Variants in LRRC40 observed in about 807,000 individuals in gnomAD.
LRRC40 encodes the protein leucine-rich repeat-containing protein 40.
In LRRC40, 76 loss-of-function variants were observed where a neutral mutation model predicts 72.8. The observed-to-expected ratio is 1.04, with a 90% CI of 0.87 to 1.26. The LOEUF is 1.26. LRRC40 is among the 50% of genes most tolerant of loss of function. The probability of loss-of-function intolerance (pLI) is 0.00; values close to 1 mark genes in which losing one functional copy is unlikely to be tolerated. For missense variants in LRRC40, 684 were observed against 698.9 expected (o/e 0.98, Z 0.24); for synonymous variants, 243 against 254.2 (o/e 0.96, Z 0.42).
At chr1:70,204,980 G>A (rs1668888198) in intron 1 of LRRC40, among the ~76,000 whole-genome samples, 1 of 151,742 alleles carries the variant, frequency 6.6e-6, no homozygotes. Flanking sequence ...GTTCACAAAG[G>A]GGCCGATAAA....
chr1:70,169,945 C>CA (rs1319127812), intron 9 of LRRC40, among the ~76,000 whole-genome samples: 1 of 152,010 alleles, frequency 6.6e-6, no homozygotes, highest in Non-Finnish European at 1.5e-5. Flanking sequence ...ATTAGGCTAT[C>CA]ACCCAAACCA....
rs1668045265 is a variant in LRRC40 at position 70,173,663 on chromosome 1, C to G, written c.1024G>C (p.Glu342Gln). The G allele has an allele frequency of 6.4e-7, 1 of 1,573,172 alleles. No homozygotes were observed. Among genetic ancestry groups the G allele is most frequent in the Non-Finnish European group, 8.7e-7 (1 of 1,153,200 alleles). The change falls in exon 8 of 15, where the codon GAA becomes CAA. Residue 342 changes from glutamate (E) to glutamine (Q), a missense_variant. By Grantham distance (29) the Glu-to-Gln change is conservative (BLOSUM62 2). Transcript: ENST00000370952. ...CGAATTGTTCTCAAAGGATTTCCTT[C>G]TAATGCCAAAAATTTCAAATGAAGG... ...GNLHLKFLAL[E>Q]GNPLRTIRRE... is the part of the protein sequence containing the mutation.
intron 9 of LRRC40, among the ~76,000 whole-genome samples, chr1:70,168,611 G>A (rs191196694): frequency 6.8e-4 from 103 of 152,306 alleles, no homozygotes; most frequent in Middle Eastern, 3.4e-3. Flanking sequence ...AGGCAGTTGG[G>A]ATGAAATTCC....
chr1:70,164,421 C>A (rs915068075), intron 9 of LRRC40, among the ~76,000 whole-genome samples: 3 of 151,988 alleles, frequency 2.0e-5, no homozygotes, highest in African/African-American at 7.3e-5. Context: ...AGTGCCAATC[C>A]TATTCATGAG....
At chr1:70,150,206 A>T (rs971342165) in intron 13 of LRRC40, among the ~76,000 whole-genome samples, 3 of 152,166 alleles carry the variant, frequency 2.0e-5, no homozygotes, top group Non-Finnish European at 4.4e-5. Context: ...GGTGTCAGTC[A>T]CTGCACCTGG....
At chr1:70,156,014 A>G (rs1262022809) in intron 10 of LRRC40, among the ~76,000 whole-genome samples, 1 of 152,018 alleles carries the variant, frequency 6.6e-6, no homozygotes, top group African/African-American at 2.4e-5. Context: ...ATTGTGCTAC[A>G]TTTTCTGGGC....
chr1:70,192,059 G>A (rs1668512718), intron 1 of LRRC40, among the ~76,000 whole-genome samples: 1 of 152,024 alleles, frequency 6.6e-6, no homozygotes, highest in Admixed American at 6.6e-5. Context: ...TTGCTTTGGG[G>A]AGTATGACCA....
Position 70,148,660 on chromosome 1 carries a change from T to C in LRRC40, c.1530A>G (p.Leu510=). 3.1e-6 allele frequency: 5 copies of C among 1,606,548 alleles called. No individual in the cohort carries two copies. Among genetic ancestry groups the C allele is most frequent in the Non-Finnish European group, 4.3e-6 (5 of 1,174,408 alleles). The change falls in exon 14 of 15, where the codon CTA becomes CTG. Residue 510 remains leucine, a synonymous_variant. Coordinates refer to ENST00000370952, the MANE Select transcript of LRRC40 (RefSeq NM_017768.5). The part of the protein sequence containing the change: ...INLSFNRFKM[L]PEVLYRIFTL... ...TGAAGATACGATATAGAACTTCAGG[T>C]AGCATTTTAAACCTATTAATACATG... is the stretch of plus-strand genomic sequence containing the variant.
At chr1:70,156,483 CAT>C (rs148547686) in intron 10 of LRRC40, among the ~76,000 whole-genome samples, 127 of 152,158 alleles carry the variant, frequency 8.3e-4, no homozygotes, top group African/African-American at 2.6e-3. Context: ...ATTTATGCCA[CAT>C]GTTTTCAAAT....
chr1:70,167,230 T>TAAAAAAAAAAAAA, intron 9 of LRRC40, among the ~76,000 whole-genome samples: 1 of 126,938 alleles, frequency 7.9e-6, no homozygotes, highest in Non-Finnish European at 1.7e-5. Context: ...TAAAAAGTGT[T>TAAAAAAAAAAAAA]AAAAAAAAAA....
chr1:70,193,183 CA>C (rs1227305363), intron 1 of LRRC40, among the ~76,000 whole-genome samples: 1 of 151,168 alleles, frequency 6.6e-6, no homozygotes, highest in East Asian at 1.9e-4. Context: ...GAGAAACAAA[CA>C]GAGAAAAAGC....
intron 9 of LRRC40, among the ~76,000 whole-genome samples, chr1:70,162,540 C>T (rs1421600842): frequency 2.6e-5 from 4 of 152,170 alleles, no homozygotes; most frequent in Non-Finnish European, 5.9e-5. Context: ...AATATCCAAA[C>T]CTATTTCTTT....
chr1:70,161,540 C>A (rs1312348788), intron 9 of LRRC40, among the ~76,000 whole-genome samples: 1 of 143,876 alleles, frequency 7.0e-6, no homozygotes, highest in African/African-American at 2.6e-5. Flanking sequence ...CAGAGCAAGG[C>A]TCCCTCTCAA....
At chr1:70,190,908 T>C (rs985812554) in intron 1 of LRRC40, among the ~76,000 whole-genome samples, 1 of 151,876 alleles carries the variant, frequency 6.6e-6, no homozygotes, top group Non-Finnish European at 1.5e-5. Flanking sequence ...TGAAGCAAAA[T>C]AAAATAATTT....
At chr1:70,179,510 A>G (rs1440337924) in intron 5 of LRRC40, among the ~76,000 whole-genome samples, 2 of 152,198 alleles carry the variant, frequency 1.3e-5, no homozygotes, top group Non-Finnish European at 2.9e-5. Flanking sequence ...ATTTAAAAAT[A>G]AAGTTCTGGT....
At chr1:70,172,929 T>C (rs561183788) in intron 9 of LRRC40, among the ~76,000 whole-genome samples, 1 of 152,162 alleles carries the variant, frequency 6.6e-6, no homozygotes, top group East Asian at 1.9e-4. Flanking sequence ...TCTATAATGA[T>C]AGACATGAAA....
At chr1:70,173,999 T>C (rs1199194997) in intron 7 of LRRC40, among the ~76,000 whole-genome samples, 1 of 152,028 alleles carries the variant, frequency 6.6e-6, no homozygotes, top group Non-Finnish European at 1.5e-5. Flanking sequence ...AACATAAATT[T>C]GAATGAATCA....
intron 2 of LRRC40, among the ~76,000 whole-genome samples, chr1:70,187,750 G>A (rs1156333809): frequency 1.3e-5 from 2 of 151,984 alleles, no homozygotes; most frequent in Admixed American, 1.3e-4. Context: ...AAGATTGCTT[G>A]AGCCTAGGAG....
In LRRC40 at chr1:70,145,434, G is replaced by GT; in HGVS notation, c.*365dup. 6.5e-6 allele frequency: 1 copy of GT among 154,530 alleles called. No homozygotes were observed. The highest frequency in any genetic ancestry group is 1.4e-5 in the Non-Finnish European group (1 of 69,596). 9.6% of individuals were successfully genotyped at this position (154,530 alleles called of 1,614,324 possible). A position where few individuals can be genotyped will look rare whatever the true frequency, so the allele number is the denominator to read the frequency against. On this transcript the variant is annotated 3_prime_UTR_variant, in exon 15 of 15. Coordinates refer to ENST00000370952, the MANE Select transcript of LRRC40 (RefSeq NM_017768.5). ...AAAACCAGTTCTACAAAAATGCTTTGTTATTATAATACTGAACCACATTAA... is the reference window on the plus strand; with the variant it reads ...AAAACCAGTTCTACAAAAATGCTTTGTTTATTATAATACTGAACCACATTAA...
Sources: gnomAD v4.1 joint callset for allele counts (sites outside exome capture counted in the v4.1 genomes callset) on GRCh38, gnomAD v4.1.1 for gene constraint, MANE v1.5 for transcripts, NCBI Gene and HGNC (gene_info 2026-07-23, HGNC 2026-07-21) for gene names.